The following MDGA2 variants were observed in gnomAD, a reference collection of about 807,000 sequenced individuals.
MDGA2 encodes the protein MAM domain-containing glycosylphosphatidylinositol anchor protein 2.
A neutral mutation model predicts 117.8 loss-of-function variants in MDGA2; 40 were observed. That is an observed-to-expected ratio of 0.34 (90% confidence interval 0.26 to 0.44). The LOEUF is 0.44. Among genes scored for constraint, MDGA2 ranks in the 20% least tolerant of loss-of-function variants. The pLI, the probability that MDGA2 is intolerant of heterozygous loss-of-function variation, is 1.00. For missense variants in MDGA2, 1,123 were observed against 1,250.6 expected, an observed-to-expected ratio of 0.90 and a Z score of 1.54; for synonymous variants, 452 against 439.0, an observed-to-expected ratio of 1.03 and a Z score of -0.37.
intron 2 of MDGA2, among the ~76,000 whole-genome samples, chr14:47,230,050 C>G (rs1018157624): frequency 2.6e-5 from 4 of 151,854 alleles, no homozygotes; most frequent in Admixed American, 6.6e-5. Context: ...ATTTCTTTCA[C>G]CATTATTCTC....
intron 9 of MDGA2, among the ~76,000 whole-genome samples, chr14:46,955,605 T>C (rs1164849712): frequency 2.6e-5 from 4 of 151,966 alleles, no homozygotes; most frequent in Non-Finnish European, 5.9e-5. Context: ...CTTAGCCCCT[T>C]ACTCTAACAT....
chr14:46,860,907 C>T (rs1265523168), intron 14 of MDGA2, among the ~76,000 whole-genome samples: 1 of 151,894 alleles, frequency 6.6e-6, no homozygotes, highest in Non-Finnish European at 1.5e-5. Flanking sequence ...GTCTTTTTCA[C>T]CAGTATATGT....
intron 11 of MDGA2, among the ~76,000 whole-genome samples, chr14:46,879,144 A>G (rs757951526): frequency 1.3e-5 from 2 of 152,144 alleles, no homozygotes; most frequent in South Asian, 2.1e-4. Context: ...GAGGTAATTA[A>G]GATTAAATTA....
At chr14:46,890,130 C>G (rs1321208959) in intron 10 of MDGA2, among the ~76,000 whole-genome samples, 1 of 152,068 alleles carries the variant, frequency 6.6e-6, no homozygotes, top group African/African-American at 2.4e-5. Context: ...CCAGCCACCT[C>G]CTGCTCACTT....
chr14:47,100,245 A>C (rs952481705), intron 5 of MDGA2, among the ~76,000 whole-genome samples: 1 of 152,112 alleles, frequency 6.6e-6, no homozygotes, highest in African/African-American at 2.4e-5. Context: ...AAAAGGTACT[A>C]TATCTATGTT....
intron 9 of MDGA2, among the ~76,000 whole-genome samples, chr14:46,948,611 G>A (rs1488887206): frequency 2.0e-5 from 3 of 151,942 alleles, no homozygotes; most frequent in African/African-American, 7.2e-5. Flanking sequence ...GAAACTCTGA[G>A]AGCCAACCAC....
intron 2 of MDGA2, among the ~76,000 whole-genome samples, chr14:47,273,693 A>G (rs1471460847): frequency 2.0e-5 from 3 of 152,100 alleles, no homozygotes; most frequent in Non-Finnish European, 2.9e-5. Context: ...TTAGAGAGAG[A>G]TTTTTCCTGT....
intron 1 of MDGA2, among the ~76,000 whole-genome samples, chr14:47,355,522 T>C (rs1471152751): frequency 2.0e-5 from 3 of 152,126 alleles, no homozygotes; most frequent in African/African-American, 7.2e-5. Context: ...CAGTGTTTTA[T>C]GGCCCTGTAC....
In MDGA2 at chr14:47,241,785, T is replaced by G. The variant is rs139540131; in HGVS notation, c.421-23590A>C. Among the ~76,000 whole-genome samples the G allele has an allele frequency of 2.4e-3, 372 of 152,094 alleles. 4 individuals are homozygous for G. Among genetic ancestry groups the G allele is most frequent in the Middle Eastern group, 0.01 (3 of 294 alleles). On this transcript the variant is annotated intron_variant, in intron 2 of 16. Transcript: ENST00000399232. ...TTTCCACTGAGGTAAAAAAAAATGT[T>G]TAACATTCAATTGGCAAAGTGATGT... is the stretch of plus-strand genomic sequence containing the variant.
intron 1 of MDGA2, among the ~76,000 whole-genome samples, chr14:47,590,847 G>T (rs1594932999): frequency 6.6e-6 from 1 of 151,882 alleles, no homozygotes; most frequent in East Asian, 1.9e-4. Context: ...TATTTCAGGA[G>T]AATTATATTA....
At chr14:47,128,607 CTTT>C (rs1189901692) in intron 5 of MDGA2, among the ~76,000 whole-genome samples, 5 of 151,560 alleles carry the variant, frequency 3.3e-5, no homozygotes, top group African/African-American at 1.2e-4. Context: ...CCAATTTCCC[CTTT>C]TTTAAGTCAG....
At chr14:47,217,954 C>A in intron 3 of MDGA2, 67 bp downstream of exon 3, 3 of 1,297,046 alleles carry the variant, frequency 2.3e-6, no homozygotes, top group Non-Finnish European at 3.1e-6. Flanking sequence ...TTCAGAAAAC[C>A]ATAGACTTGT....
At chr14:47,255,528 C>T (rs1887589725) in intron 2 of MDGA2, among the ~76,000 whole-genome samples, 1 of 152,212 alleles carries the variant, frequency 6.6e-6, no homozygotes, top group Non-Finnish European at 1.5e-5. Flanking sequence ...AATTTATATG[C>T]AACTACTTTC....
intron 1 of MDGA2, among the ~76,000 whole-genome samples, chr14:47,624,992 T>TA (rs915793280): frequency 1.3e-5 from 2 of 152,134 alleles, no homozygotes; most frequent in Non-Finnish European, 2.9e-5. Context: ...ATCTAAATTT[T>TA]AAAAAAATCA....
At chr14:47,335,745 T>TATATATATATATATATATATATACATAC in intron 1 of MDGA2, among the ~76,000 whole-genome samples, 13 of 95,572 alleles carry the variant, frequency 1.4e-4, no homozygotes, top group African/African-American at 5.1e-4. Flanking sequence ...TATATATATA[T>TATATATATATATATATATATATACATAC]ATACATACAT....
intron 1 of MDGA2, among the ~76,000 whole-genome samples, chr14:47,378,596 C>T (rs1052307690): frequency 2.0e-5 from 3 of 152,056 alleles, no homozygotes; most frequent in African/African-American, 7.2e-5. Context: ...CCGATTCGAT[C>T]AAGTGGAAGA....
At chr14:47,474,002 A>C (rs1186084553) in intron 1 of MDGA2, among the ~76,000 whole-genome samples, 1 of 152,198 alleles carries the variant, frequency 6.6e-6, no homozygotes, top group Non-Finnish European at 1.5e-5. Flanking sequence ...AAGAGAAATA[A>C]ATAAAGGGTA....
At chr14:47,322,520 C>T (rs539646335) in intron 1 of MDGA2, among the ~76,000 whole-genome samples, 1 of 152,124 alleles carries the variant, frequency 6.6e-6, no homozygotes, top group Non-Finnish European at 1.5e-5. Context: ...CGAGGAGATA[C>T]AGACCCTGGA....
chr14:46,949,335 T>G (rs1435617955), intron 9 of MDGA2, among the ~76,000 whole-genome samples: 1 of 152,150 alleles, frequency 6.6e-6, no homozygotes, highest in African/African-American at 2.4e-5. Context: ...ATGCTGTAAT[T>G]TGATACTGTG....
Sources: gnomAD v4.1 joint callset for allele counts (sites outside exome capture counted in the v4.1 genomes callset) on GRCh38, gnomAD v4.1.1 for gene constraint, MANE v1.5 for transcripts, NCBI Gene and HGNC (gene_info 2026-07-23, HGNC 2026-07-21) for gene names.